MTM1: variants seen among roughly 807,000 people sequenced by gnomAD.
The protein encoded by MTM1 is myotubularin.
MTM1 carries 9 observed loss-of-function variants against 52.1 expected under a neutral mutation model. That is an observed-to-expected ratio of 0.17 (90% CI 0.10 to 0.30). The LOEUF is 0.30. Ranked by LOEUF, MTM1 falls within the 10% of genes least tolerant of loss-of-function variation. MTM1 has a pLI of 1.00. For synonymous variants in MTM1, 136 were observed against 163.8 expected, an observed-to-expected ratio of 0.83 and a Z score of 1.29; for missense variants, 277 against 470.7, an observed-to-expected ratio of 0.59 and a Z score of 3.81.
At chrX:150,626,598 G>C (rs2148471073) in intron 6 of MTM1, among the ~76,000 whole-genome samples, 1 of 111,907 alleles carries the variant, frequency 8.9e-6, no homozygotes, top group African/African-American at 3.3e-5. Flanking sequence ...GTGAGCCACT[G>C]CGTCCAGCCA....
chrX:150,634,983 T>A (rs1251898577), intron 6 of MTM1, among the ~76,000 whole-genome samples: 1 of 110,248 alleles, frequency 9.1e-6, no homozygotes, highest in Non-Finnish European at 1.9e-5. Flanking sequence ...ACCAAGGAGG[T>A]AGAAAGTCAC....
At chrX:150,587,984 G>A (rs782011419) in intron 1 of MTM1, among the ~76,000 whole-genome samples, 5 of 111,564 alleles carry the variant, frequency 4.5e-5, no homozygotes, top group Non-Finnish European at 9.4e-5. Context: ...CCTAGCAAAG[G>A]GGACTTTACA....
intron 10 of MTM1, among the ~76,000 whole-genome samples, chrX:150,652,705 A>G (rs2040049582): frequency 9.9e-6 from 1 of 101,354 alleles, no homozygotes; most frequent in African/African-American, 3.6e-5. Flanking sequence ...ATACATACAG[A>G]ATTTAGAAAG....
At chrX:150,607,928 C>G (rs1368035931) in intron 4 of MTM1, among the ~76,000 whole-genome samples, 2 of 111,535 alleles carry the variant, frequency 1.8e-5, no homozygotes, top group Admixed American at 1.9e-4. Flanking sequence ...GGGAGTAGTA[C>G]AGGGGCACAA....
chrX:150,628,595 T>C (rs2039610259), intron 6 of MTM1, among the ~76,000 whole-genome samples: 1 of 111,462 alleles, frequency 9.0e-6, no homozygotes, highest in African/African-American at 3.3e-5. Context: ...AAGATCTGTT[T>C]AAAATGACTC....
At chrX:150,599,488 G>GAGT (rs1557412696) in intron 4 of MTM1, among the ~76,000 whole-genome samples, 5 of 111,928 alleles carry the variant, frequency 4.5e-5, no homozygotes. Context: ...GGTTCACAGA[G>GAGT]AGTAGCCCAT....
chrX:150,598,490 G>A (rs1410430592), intron 3 of MTM1, 102 bp from the exon 4 acceptor site: 1 of 514,263 alleles, frequency 1.9e-6, no homozygotes, highest in Non-Finnish European at 3.3e-6. Flanking sequence ...TTTTAAAATT[G>A]TAGTTATTCT....
At chrX:150,572,826 G>A (rs1293953906) in intron 1 of MTM1, among the ~76,000 whole-genome samples, 1 of 112,741 alleles carries the variant, frequency 8.9e-6, no homozygotes, top group African/African-American at 3.2e-5. Flanking sequence ...GCAGGCTCCT[G>A]AGTGATAGGG....
At chrX:150,651,154 A>G (rs1039215660) in intron 10 of MTM1, among the ~76,000 whole-genome samples, 5 of 112,196 alleles carry the variant, frequency 4.5e-5, no homozygotes, top group African/African-American at 1.6e-4. Flanking sequence ...CCATTTTCCC[A>G]TTCACAAGGT....
At chrX:150,590,294 AC>A (rs2148422356) in intron 1 of MTM1, among the ~76,000 whole-genome samples, 1 of 112,578 alleles carries the variant, frequency 8.9e-6, no homozygotes, top group South Asian at 3.7e-4. Flanking sequence ...ACTTGATCCA[AC>A]TATTAACAGT....
In MTM1 at chrX:150,614,630, G is replaced by A. The variant is rs1447559040; in HGVS notation, c.273G>A (p.Ser91=). The change falls in exon 5 of 15, where the codon TCG becomes TCA. Residue 91 remains serine (S), a synonymous_variant. Transcript: ENST00000370396. ...TTGATGTTCCTCTGGGTGTGATCTCGAGAATTGAAAAAATGGGAGGCGCGA... is the reference window on the plus strand; with the variant it reads ...TTGATGTTCCTCTGGGTGTGATCTCAAGAATTGAAAAAATGGGAGGCGCGA... ...LILDVPLGVI[S]RIEKMGGATS... is the part of the protein sequence containing the mutation. 3.3e-6 allele frequency: 4 copies of A among 1,204,999 alleles called. No homozygotes were observed. The highest frequency in any genetic ancestry group is 1.8e-5 in the South Asian group (1 of 56,568).
intron 12 of MTM1, among the ~76,000 whole-genome samples, chrX:150,660,070 G>T (rs977364877): frequency 1.1e-4 from 12 of 112,228 alleles, no homozygotes; most frequent in Non-Finnish European, 1.9e-4. Flanking sequence ...ATATATAGCT[G>T]TGTCTGCTAT....
intron 13 of MTM1, among the ~76,000 whole-genome samples, chrX:150,662,602 G>A (rs1557414736): frequency 8.9e-6 from 1 of 112,154 alleles, no homozygotes. Context: ...GCAATTACAG[G>A]CGTGAGCCAC....
intron 4 of MTM1, among the ~76,000 whole-genome samples, chrX:150,608,881 G>T (rs1557412907): frequency 9.0e-6 from 1 of 110,812 alleles, no homozygotes; most frequent in African/African-American, 3.3e-5. Context: ...CCCGGCTAGA[G>T]GGCAATGGTG....
At chrX:150,668,485 G>C (rs1206467580) in intron 14 of MTM1, among the ~76,000 whole-genome samples, 3 of 104,284 alleles carry the variant, frequency 2.9e-5, no homozygotes, top group African/African-American at 1.1e-4. Context: ...CCAGAAATTC[G>C]AGACCAGCCT....
intron 6 of MTM1, 146 bp from the exon 7 acceptor site, chrX:150,638,797 G>T (rs782657153): frequency 5.4e-4 from 235 of 438,033 alleles, no homozygotes; most frequent in South Asian, 3.1e-3. Context: ...GTTTTTTTTT[G>T]TTGTTGTTGT....
intron 6 of MTM1, among the ~76,000 whole-genome samples, chrX:150,636,443 T>C (rs889306809): frequency 9.0e-6 from 1 of 111,305 alleles, no homozygotes; most frequent in Admixed American, 9.5e-5. Flanking sequence ...ATTGAAAAAA[T>C]AGTAATTTAG....
chrX:150,616,187 C>T (rs1017044736), intron 5 of MTM1, among the ~76,000 whole-genome samples: 6 of 111,648 alleles, frequency 5.4e-5, no homozygotes, highest in Admixed American at 1.9e-4. Flanking sequence ...GAACAAAAGG[C>T]GTAGGAACAA....
chrX:150,659,677 G>A lies in MTM1; in HGVS notation c.1274G>A (p.Gly425Asp). The A allele has an allele frequency of 8.3e-7, 1 of 1,209,650 alleles. No individual in the cohort carries two copies. The highest frequency in any genetic ancestry group is 1.1e-6 in the Non-Finnish European group (1 of 893,600). ...CAATTTATTCAGCGAATAGGTCATG[G>A]TGATAAAAACCACACCGATGCTGAC... Reference protein sequence around the residue: ...GHKFASRIGHGDKNHTDADRS... With the variant: ...GHKFASRIGHDDKNHTDADRS... The change falls in exon 12 of 15, where the codon GGT becomes GAT. Residue 425 changes from glycine (G) to aspartate (D), a missense_variant. Transcript: ENST00000370396.
Sources: gnomAD v4.1 joint callset for allele counts (sites outside exome capture counted in the v4.1 genomes callset) on GRCh38, gnomAD v4.1.1 for gene constraint, MANE v1.5 for transcripts, NCBI Gene and HGNC (gene_info 2026-07-23, HGNC 2026-07-21) for gene names.